Variants in COG6 observed in about 807,000 individuals in gnomAD.
COG6 encodes component of oligomeric golgi complex 6.
In COG6, 74 loss-of-function variants were observed where a neutral mutation model predicts 88.8. That is an observed-to-expected ratio of 0.83 (90% CI 0.69 to 1.01). The LOEUF (loss-of-function observed/expected upper bound fraction) is 1.01. Among genes scored for constraint, COG6 ranks in the 50% least tolerant of loss-of-function variants. The pLI, the probability that COG6 is intolerant of heterozygous loss-of-function variation, is 0.00. For missense variants in COG6, 800 were observed against 797.9 expected (o/e 1.00, Z -0.03); for synonymous variants, 286 against 278.7 (o/e 1.03, Z -0.26).
chr13:39,657,371 A>C (rs1874586503), intron 1 of COG6, among the ~76,000 whole-genome samples: 1 of 152,196 alleles, frequency 6.6e-6, no homozygotes, highest in Non-Finnish European at 1.5e-5. Context: ...TAAAGCATGG[A>C]GAGAGTGCAG....
intron 18 of COG6, among the ~76,000 whole-genome samples, chr13:39,758,246 C>A (rs866403200): frequency 1.1e-4 from 15 of 131,824 alleles, no homozygotes; most frequent in African/African-American, 3.8e-4. Flanking sequence ...AAAAAAATGA[C>A]GAGCTGGACG....
chr13:39,741,621 C>T (rs754070953), intron 18 of COG6, among the ~76,000 whole-genome samples: 36 of 152,118 alleles, frequency 2.4e-4, no homozygotes, highest in Non-Finnish European at 4.4e-4. Context: ...ACCAAATCTA[C>T]GTTTGATTGG....
chr13:39,713,968 A>ATGTGTGTAAAAT (rs984789066), intron 13 of COG6, among the ~76,000 whole-genome samples: 45 of 152,342 alleles, frequency 3.0e-4, no homozygotes, highest in African/African-American at 1.1e-3. Context: ...GATCTAATGG[A>ATGTGTGTAAAAT]TGTGTGTAAA....
intron 15 of COG6, among the ~76,000 whole-genome samples, chr13:39,720,791 G>A (rs1238427199): frequency 6.6e-6 from 1 of 151,372 alleles, no homozygotes; most frequent in Non-Finnish European, 1.5e-5. Context: ...TTAGTTTTTT[G>A]TCTAATGTAT....
chr13:39,676,451 G>A (rs961904539), intron 4 of COG6, among the ~76,000 whole-genome samples: 81 of 152,076 alleles, frequency 5.3e-4, no homozygotes, highest in Admixed American at 2.6e-4. Flanking sequence ...TTAAATCTGT[G>A]TATATTCAAT....
chr13:39,706,833 G>A (rs981108830), intron 13 of COG6, among the ~76,000 whole-genome samples: 4 of 151,132 alleles, frequency 2.6e-5, no homozygotes, highest in Admixed American at 6.6e-5. Flanking sequence ...ACAGGCATCC[G>A]CCACCATCTC....
chr13:39,668,778 A>G (rs9576884), intron 4 of COG6, among the ~76,000 whole-genome samples: 1 of 148,138 alleles, frequency 6.8e-6, no homozygotes, highest in Non-Finnish European at 1.5e-5. Context: ...ACAGAGCGAG[A>G]CTCCGTCTCA....
chr13:39,715,392 G>T (rs1878474842), intron 13 of COG6, among the ~76,000 whole-genome samples: 1 of 151,790 alleles, frequency 6.6e-6, no homozygotes, highest in Non-Finnish European at 1.5e-5. Flanking sequence ...AGTTCTACTA[G>T]AGCTGTACTC....
intron 18 of COG6, among the ~76,000 whole-genome samples, chr13:39,772,594 C>T (rs371667928): frequency 2.6e-5 from 4 of 152,358 alleles, no homozygotes; most frequent in East Asian, 3.9e-4. Flanking sequence ...CTGACATAGG[C>T]TTTCCTAAAG....
At chr13:39,752,757 G>A, downstream of COG6, 1 of 802,262 alleles carries the variant, frequency 1.2e-6, no homozygotes, top group Non-Finnish European at 1.6e-6. Context: ...AGACTCACAG[G>A]AAAAATGTGG....
chr13:39,725,884 T>C (rs1273574471), intron 17 of COG6, among the ~76,000 whole-genome samples: 1 of 151,926 alleles, frequency 6.6e-6, no homozygotes, highest in Non-Finnish European at 1.5e-5. Context: ...TGAAGATCTA[T>C]GCTCACACTT....
chr13:39,715,801 G>A (rs1878496138), intron 13 of COG6, among the ~76,000 whole-genome samples: 3 of 151,920 alleles, frequency 2.0e-5, no homozygotes, highest in Non-Finnish European at 4.4e-5. Context: ...CTTTTAGGGG[G>A]CAGAGATCAC....
chr13:39,755,550 A>T (rs951627051), downstream of COG6, among the ~76,000 whole-genome samples: 1 of 152,242 alleles, frequency 6.6e-6, no homozygotes, highest in African/African-American at 2.4e-5. Flanking sequence ...AAGGTTGGGA[A>T]TGAGATGTTC....
intron 18 of COG6, among the ~76,000 whole-genome samples, chr13:39,773,096 G>A (rs1437445850): frequency 6.6e-6 from 1 of 152,168 alleles, no homozygotes; most frequent in Admixed American, 6.5e-5. Context: ...CAAGATCAAA[G>A]CCATTTCTAT....
At chr13:39,680,478 G>A (rs1297411765) in intron 7 of COG6, among the ~76,000 whole-genome samples, 1 of 152,192 alleles carries the variant, frequency 6.6e-6, no homozygotes, top group Non-Finnish European at 1.5e-5. Flanking sequence ...CAAACTGAGT[G>A]GCTTAAAACA....
intron 13 of COG6, among the ~76,000 whole-genome samples, chr13:39,718,909 A>C (rs1211740203): frequency 6.6e-6 from 1 of 152,018 alleles, no homozygotes; most frequent in Non-Finnish European, 1.5e-5. Context: ...TTTTCTTATG[A>C]TTTGGGCTAA....
chr13:39,723,927 C>T (rs1250270535), intron 16 of COG6, among the ~76,000 whole-genome samples: 2 of 151,920 alleles, frequency 1.3e-5, no homozygotes, highest in Non-Finnish European at 2.9e-5. Flanking sequence ...CTGGGGCCAG[C>T]ATATGATCTT....
At chr13:39,663,041 A>G (rs576573669) in intron 3 of COG6, among the ~76,000 whole-genome samples, 16 of 151,754 alleles carry the variant, frequency 1.1e-4, no homozygotes, top group Admixed American at 5.3e-4. Flanking sequence ...GTCATTTTAT[A>G]TATGTTAATA....
chr13:39,744,198 C>G (rs1880210288), intron 18 of COG6, among the ~76,000 whole-genome samples: 1 of 152,140 alleles, frequency 6.6e-6, no homozygotes, highest in African/African-American at 2.4e-5. Context: ...TGGCACAAGA[C>G]AGGGATGCCC....
Sources: allele counts gnomAD v4.1 joint callset (sites outside exome capture counted in the v4.1 genomes callset), GRCh38; gene constraint gnomAD v4.1.1; transcripts MANE v1.5; gene names NCBI Gene and HGNC (gene_info 2026-07-23, HGNC 2026-07-21).